The following SCRT2 variants were observed in gnomAD, a reference collection of about 807,000 sequenced individuals.
The protein encoded by SCRT2 is scratch family transcriptional repressor 2.
SCRT2 carries 2 observed loss-of-function variants against 3.7 expected under a neutral mutation model. That is an observed-to-expected ratio of 0.54 (90% CI 0.22 to 1.70). The LOEUF (loss-of-function observed/expected upper bound fraction) is 1.70. Among genes scored for constraint, SCRT2 ranks in the 40% most tolerant of loss-of-function variants. The pLI, the probability that SCRT2 is intolerant of heterozygous loss-of-function variation, is 0.19. For missense variants in SCRT2, 456 were observed against 468.5 expected (o/e 0.97, Z 0.25); for synonymous variants, 256 against 220.6 (o/e 1.16, Z -1.42).
chr20:675,192 C>T lies in SCRT2; in HGVS notation c.133+277G>A, dbSNP rs555775751. Among the ~76,000 whole-genome samples the T allele has an allele frequency of 9.2e-5, 14 of 152,320 alleles. No individual in the cohort carries two copies. The highest frequency in any genetic ancestry group is 2.6e-4 in the Admixed American group (4 of 15,302). On this transcript the variant is annotated intron_variant, in intron 1 of 1. Coordinates refer to ENST00000246104, the MANE Select transcript of SCRT2 (RefSeq NM_033129.4). This position sits in a 1 kb window ranked among gnomAD's most constrained non-coding sequence, Gnocchi z 6.9. ...CAGCCCCGTCTGTGTTCTCTTGCCA[C>T]CCCCTCACTCTAGCCCTATTTGAGG...
In SCRT2 at chr20:663,734, G is replaced by T; in HGVS notation, c.861C>A (p.Cys287Ter). The T allele has an allele frequency of 1.3e-6, 2 of 1,554,902 alleles. No homozygotes were observed. Among genetic ancestry groups the T allele is most frequent in the Non-Finnish European group, 8.7e-7 (1 of 1,153,206 alleles). ...CGGCCGCCTTGGCGCAGGCCGCCTCGCAGTGCTTGTGGAGGTAGGACTTGA... is the reference window on the plus strand; with the variant it reads ...CGGCCGCCTTGGCGCAGGCCGCCTCTCAGTGCTTGTGGAGGTAGGACTTGA... Reference protein sequence around the residue: ...FALKSYLHKHCEAACAKAAEP... With the variant: ...FALKSYLHKH Residue 287 changes from cysteine (C) to a stop codon, truncating the protein, a stop_gained, in exon 2 of 2, where the codon TGC (cysteine) becomes TGA (stop). Transcript: ENST00000246104. LOFTEE classifies it low-confidence loss of function (END_TRUNC). The surrounding 1 kb of genome is among the most constrained non-coding windows in gnomAD (Gnocchi z 6.9).
chr20:672,428 C>T (rs1234174778), intron 1 of SCRT2, among the ~76,000 whole-genome samples: 5 of 148,242 alleles, frequency 3.4e-5, no homozygotes, highest in Non-Finnish European at 5.9e-5. Flanking sequence ...TGTGTGCGCG[C>T]GTGCGTGTGT....
chr20:675,669 G>A lies in SCRT2; in HGVS notation c.-68C>T. The A allele has an allele frequency of 8.6e-7, 1 of 1,168,428 alleles. No homozygotes were observed. Among genetic ancestry groups the A allele is most frequent in the Non-Finnish European group, 1.1e-6 (1 of 922,250 alleles). The allele number at this position is 1,168,428 out of a possible 1,614,324, so 72.4% of individuals were successfully genotyped here. The stretch of plus-strand genomic sequence containing the variant: ...GGGCGCGATCGGCTGTGTCCGCGCG[G>A]GTTTTCAGCACTGGACAGCTCCCAG... On this transcript the variant is annotated 5_prime_UTR_variant, in exon 1 of 2. Transcript: ENST00000246104. This position sits in a 1 kb window ranked among gnomAD's most constrained non-coding sequence, Gnocchi z 6.9.
intron 1 of SCRT2, among the ~76,000 whole-genome samples, chr20:672,387 TCG>T (rs1491175383): frequency 1.1e-5 from 1 of 88,574 alleles, no homozygotes; most frequent in East Asian, 3.3e-4. Flanking sequence ...AGAGCATTGC[TCG>T]TGTGTGTGTG....
rs796161387 is a variant in SCRT2, at chr20:675,288, C to T, written c.133+181G>A. Among the ~76,000 whole-genome samples the T allele has an allele frequency of 2.6e-5, 4 of 152,248 alleles. No individual in the cohort carries two copies. The highest frequency in any genetic ancestry group is 9.6e-5 in the African/African-American group (4 of 41,574). Reference sequence around the variant, plus strand: ...CCGACCCCGCGACTTTCCCTTTGTACGACCTAGCCCCTGCCCCGCCCGCAC... The same window carrying T: ...CCGACCCCGCGACTTTCCCTTTGTATGACCTAGCCCCTGCCCCGCCCGCAC... On this transcript the variant is annotated intron_variant, in intron 1 of 1. Transcript: ENST00000246104. The surrounding 1 kb of genome is among the most constrained non-coding windows in gnomAD (Gnocchi z 6.9).
intron 1 of SCRT2, among the ~76,000 whole-genome samples, chr20:669,958 A>G (rs1234464858): frequency 6.6e-6 from 1 of 152,134 alleles, no homozygotes; most frequent in African/African-American, 2.4e-5. Context: ...GCCCAACATG[A>G]CCAACGCTGC....
At position 667,909 on chromosome 20, in the gene SCRT2, C is replaced by G. The variant is rs1004967299; in HGVS notation, c.134-3448G>C. ...CATGACAAAGATGGACTGGAATGGT[C>G]TAAAGACCCTTTCTGCATCATGGCT... On this transcript the variant is annotated intron_variant, in intron 1 of 1. Transcript: ENST00000246104. This position sits in a 1 kb window ranked among gnomAD's most constrained non-coding sequence, Gnocchi z 4.4. 6.6e-6 allele frequency among the ~76,000 whole-genome samples: 1 copy of G among 152,140 alleles called. No individual in the cohort carries two copies. The highest frequency in any genetic ancestry group is 2.4e-5 in the African/African-American group (1 of 41,426).
At chr20:670,643 C>T (rs543085756) in intron 1 of SCRT2, among the ~76,000 whole-genome samples, 353 of 152,260 alleles carry the variant, frequency 2.3e-3, no homozygotes, top group Admixed American at 3.8e-3. Flanking sequence ...TCCTCCCCTG[C>T]CCCCCGCTGC....
Position 665,358 on chromosome 20 carries a change from CAG to C in SCRT2, c.134-899_134-898del, listed in dbSNP as rs1360713420. 6.6e-6 allele frequency among the ~76,000 whole-genome samples: 1 copy of C among 152,174 alleles called. No individual in the cohort carries two copies. The highest frequency in any genetic ancestry group is 2.4e-5 in the African/African-American group (1 of 41,448). ...CTGCCAGGGTTGCTGAAGCATTTAA[CAG>C]GGGTCAAGTGTGTGGCATGTAATAG... On this transcript the variant is annotated intron_variant, in intron 1 of 1. Coordinates refer to ENST00000246104, the MANE Select transcript of SCRT2 (RefSeq NM_033129.4). This position sits in a 1 kb window ranked among gnomAD's most constrained non-coding sequence, Gnocchi z 5.0.
Position 663,882 on chromosome 20 carries a change from T to C in SCRT2, c.713A>G (p.Lys238Arg). 9 of 1,602,540 alleles carry C rather than the reference T, an allele frequency of 5.6e-6. No homozygotes were observed. Among genetic ancestry groups the C allele is most frequent in the Non-Finnish European group, 7.6e-6 (9 of 1,176,862 alleles). ...GCCGCAGTGCGCGCAGCCGAACGGC[T>C]TTTCGCCGGTGTGCGAGCGCATGTG... ...QGHMRSHTGE[K>R]PFGCAHCGKA... The change falls in exon 2 of 2, where the codon AAG becomes AGG. Residue 238 changes from lysine (K) to arginine (R), a missense_variant. This residue lies in a region of SCRT2 where 144 missense variants were observed against 141.9 expected (regional missense o/e 1.01). Transcript: ENST00000246104. The surrounding 1 kb of genome is among the most constrained non-coding windows in gnomAD (Gnocchi z 6.9).
In SCRT2 at chr20:675,332, G is replaced by C. The variant is rs1568660193; in HGVS notation, c.133+137C>G. On this transcript the variant is annotated intron_variant, in intron 1 of 1. Coordinates refer to ENST00000246104, the MANE Select transcript of SCRT2 (RefSeq NM_033129.4). The surrounding 1 kb of genome is among the most constrained non-coding windows in gnomAD (Gnocchi z 6.9). ...CCCGCACGGCCCTTGGAAAGCCCGG[G>C]AGGAGCCCACGGCCAGAGAGATCTC... 9.4e-6 allele frequency: 7 copies of C among 748,254 alleles called. No homozygotes were observed. Among genetic ancestry groups the C allele is most frequent in the Middle Eastern group, 4.4e-4 (1 of 2,260 alleles). The allele number at this position is 748,254 out of a possible 1,614,324, so 46.4% of individuals were successfully genotyped here.
At chr20:673,393 G>A (rs1984408487) in intron 1 of SCRT2, among the ~76,000 whole-genome samples, 1 of 152,242 alleles carries the variant, frequency 6.6e-6, no homozygotes, top group South Asian at 2.1e-4. Context: ...CTCTTTCACT[G>A]CTGGGGAGGC....
rs1225957482 is a variant in SCRT2 at position 667,773 on chromosome 20, A to G, written c.134-3312T>C. On this transcript the variant is annotated intron_variant, in intron 1 of 1. Transcript: ENST00000246104. This position sits in a 1 kb window ranked among gnomAD's most constrained non-coding sequence, Gnocchi z 4.4. ...AGACACCCAGTCAGTGGATTTTGGC[A>G]TGGGTTGAGAGCATCCTGTGAGAGT... Among the ~76,000 whole-genome samples the G allele has an allele frequency of 6.6e-6, 1 of 152,198 alleles. No homozygotes were observed. Among genetic ancestry groups the G allele is most frequent in the Non-Finnish European group, 1.5e-5 (1 of 68,016 alleles).
rs1317191236 is a variant in SCRT2, at chr20:667,444, C to T, written c.134-2983G>A. 1.3e-5 allele frequency among the ~76,000 whole-genome samples: 2 copies of T among 152,194 alleles called. No individual in the cohort carries two copies. The highest frequency in any genetic ancestry group is 3.8e-4 in the East Asian group (2 of 5,196). On this transcript the variant is annotated intron_variant, in intron 1 of 1. Transcript: ENST00000246104. The surrounding 1 kb of genome is among the most constrained non-coding windows in gnomAD (Gnocchi z 4.4). Reference sequence around the variant, plus strand: ...TGTGCTGCAGCTTTCTTGGCATCTGCCCCAACACATCGTGCTGCTCCTCTC... The same window carrying T: ...TGTGCTGCAGCTTTCTTGGCATCTGTCCCAACACATCGTGCTGCTCCTCTC...
At position 664,578 on chromosome 20, in the gene SCRT2, T is replaced by C. The variant is rs2058451868; in HGVS notation, c.134-117A>G. 2 of 682,776 alleles carry C rather than the reference T, an allele frequency of 2.9e-6. No individual in the cohort carries two copies. The highest frequency in any genetic ancestry group is 4.1e-6 in the Non-Finnish European group (2 of 485,094). 42.3% of individuals were successfully genotyped at this position (682,776 alleles called of 1,614,324 possible). A position where few individuals can be genotyped will look rare whatever the true frequency, so the allele number is the denominator to read the frequency against. ...GGCGCCCCTGTGGCAGCTCCGACAG[T>C]GGTGGTCTCCGACCTGCACCTCAGC... On this transcript the variant is annotated intron_variant, in intron 1 of 1. Coordinates refer to ENST00000246104, the MANE Select transcript of SCRT2 (RefSeq NM_033129.4). The surrounding 1 kb of genome is among the most constrained non-coding windows in gnomAD (Gnocchi z 7.9).
In SCRT2 at chr20:663,659, G is replaced by T; in HGVS notation, c.*12C>A. ...GAGAGCGAGTTCCGGGCGCGAGGGC[G>T]AGGCGGAAGGCTCAGCTGGCCGGGC... is the stretch of plus-strand genomic sequence containing the variant. On this transcript the variant is annotated 3_prime_UTR_variant, in exon 2 of 2. Coordinates refer to ENST00000246104, the MANE Select transcript of SCRT2 (RefSeq NM_033129.4). The surrounding 1 kb of genome is among the most constrained non-coding windows in gnomAD (Gnocchi z 6.9). The T allele has an allele frequency of 7.1e-7, 1 of 1,414,360 alleles. No homozygotes were observed. The highest frequency in any genetic ancestry group is 2.4e-4 in the Middle Eastern group (1 of 4,102). 87.6% of individuals were successfully genotyped at this position (1,414,360 alleles called of 1,614,324 possible).
chr20:664,819 C>G lies in SCRT2; in HGVS notation c.134-358G>C, dbSNP rs1427253422. ...AGATGCAGCAGTCTAACCTTACAGT[C>G]AGGAAGTGATGGAGCCCTTGCCAGT... On this transcript the variant is annotated intron_variant, in intron 1 of 1. Transcript: ENST00000246104. This position sits in a 1 kb window ranked among gnomAD's most constrained non-coding sequence, Gnocchi z 7.9. Among the ~76,000 whole-genome samples the G allele has an allele frequency of 1.3e-5, 2 of 152,222 alleles. No homozygotes were observed. Among genetic ancestry groups the G allele is most frequent in the Non-Finnish European group, 2.9e-5 (2 of 68,036 alleles).
chr20:664,478 G>C lies in SCRT2; in HGVS notation c.134-17C>G. The C allele has an allele frequency of 1.6e-6, 2 of 1,238,076 alleles. No homozygotes were observed. Among genetic ancestry groups the C allele is most frequent in the Non-Finnish European group, 2.0e-6 (2 of 986,922 alleles). 76.7% of individuals were successfully genotyped at this position (1,238,076 alleles called of 1,614,324 possible). Reference sequence around the variant, plus strand: ...GGGCGTACCCTGGAGGGGGCGAGAAGTGGAGGGGCGGTGAGAGGAGGCGCC... The same window carrying C: ...GGGCGTACCCTGGAGGGGGCGAGAACTGGAGGGGCGGTGAGAGGAGGCGCC... On this transcript the variant is annotated splice_polypyrimidine_tract_variant and intron_variant, in intron 1 of 1. Transcript: ENST00000246104. This position sits in a 1 kb window ranked among gnomAD's most constrained non-coding sequence, Gnocchi z 7.9.
At chr20:672,943 C>G (rs190402206) in intron 1 of SCRT2, among the ~76,000 whole-genome samples, 1 of 152,172 alleles carries the variant, frequency 6.6e-6, no homozygotes, top group African/African-American at 2.4e-5. Context: ...GGCGGGCTCT[C>G]AGCAGACCCC....
Sources: allele counts gnomAD v4.1 joint callset (sites outside exome capture counted in the v4.1 genomes callset), GRCh38; gene constraint gnomAD v4.1.1; regional missense constraint gnomAD v4.1.1; non-coding constraint Gnocchi (gnomAD v3.1); transcripts MANE v1.5; gene names NCBI Gene and HGNC (gene_info 2026-07-23, HGNC 2026-07-21).